The following GRM7 variants were observed in gnomAD, a reference collection of about 807,000 sequenced individuals.
GRM7 encodes the protein metabotropic glutamate receptor 7.
A neutral mutation model predicts 84.5 loss-of-function variants in GRM7; 35 were observed. That is an observed-to-expected ratio of 0.41 (90% confidence interval 0.32 to 0.55). The LOEUF (loss-of-function observed/expected upper bound fraction) is 0.55. GRM7 is among the 20% of genes least tolerant of loss of function. GRM7 has a pLI of 0.19. For synonymous variants in GRM7, 487 were observed against 455.1 expected, an observed-to-expected ratio of 1.07 and a Z score of -0.89; for missense variants, 1,003 against 1,194.6, an observed-to-expected ratio of 0.84 and a Z score of 2.36.
intron 7 of GRM7, among the ~76,000 whole-genome samples, chr3:7,505,401 A>T (rs572880193): frequency 1.1e-4 from 16 of 152,336 alleles, no homozygotes; most frequent in African/African-American, 3.6e-4. Flanking sequence ...ATTGCCCTAG[A>T]GGGAGCTCTT....
chr3:7,460,738 C>G (rs889466411), intron 6 of GRM7, among the ~76,000 whole-genome samples: 1 of 152,136 alleles, frequency 6.6e-6, no homozygotes, highest in Non-Finnish European at 1.5e-5. Flanking sequence ...AAACTCATGT[C>G]TTGCATTATT....
chr3:7,062,848 T>C (rs1697479535), intron 1 of GRM7, among the ~76,000 whole-genome samples: 1 of 151,810 alleles, frequency 6.6e-6, no homozygotes, highest in African/African-American at 2.4e-5. Flanking sequence ...TTATCTTAGC[T>C]GTGCCTGTTC....
chr3:6,863,068 C>G lies in GRM7; in HGVS notation c.519+1161C>G. The G allele has an allele frequency of 2.2e-6, 1 of 450,996 alleles. No individual in the cohort carries two copies. The highest frequency in any genetic ancestry group is 4.4e-6 in the Non-Finnish European group (1 of 224,922). The allele number at this position is 450,996 out of a possible 1,614,324, so 27.9% of individuals were successfully genotyped here. On this transcript the variant is annotated intron_variant, in intron 1 of 9. Transcript: ENST00000357716. The surrounding 1 kb of genome is among the most constrained non-coding windows in gnomAD (Gnocchi z 4.8). ...GGTCTCTGTGATTGTAGGTTCCCTC[C>G]TCTGTGTCTTTCCCTATATGTGCAT...
intron 1 of GRM7, among the ~76,000 whole-genome samples, chr3:7,121,197 C>T (rs191190999): frequency 9.9e-5 from 15 of 152,266 alleles, no homozygotes; most frequent in South Asian, 4.1e-4. Context: ...TATCCTCCTA[C>T]GGCAGATTCC....
intron 5 of GRM7, among the ~76,000 whole-genome samples, chr3:7,443,132 C>A (rs1158484400): frequency 6.6e-6 from 1 of 151,802 alleles, no homozygotes; most frequent in Non-Finnish European, 1.5e-5. Context: ...TCCTTCAGAC[C>A]AACACAAAAG....
intron 1 of GRM7, among the ~76,000 whole-genome samples, chr3:7,051,575 A>T (rs1202354976): frequency 6.6e-6 from 1 of 151,808 alleles, no homozygotes; most frequent in Non-Finnish European, 1.5e-5. Flanking sequence ...ATTACTGATG[A>T]AGGAATCCTT....
At chr3:7,547,209 T>G (rs1037207138) in intron 7 of GRM7, among the ~76,000 whole-genome samples, 2 of 138,246 alleles carry the variant, frequency 1.4e-5, no homozygotes, top group Admixed American at 7.2e-5. Context: ...TTTTTTTTTT[T>G]TTTTTTTTTT....
In GRM7 at chr3:7,645,420, G is replaced by A. The variant is rs376383293; in HGVS notation, c.2452-34629G>A. ...AAATTAGCTGGGTGTGGTGGTGCGC[G>A]CCTGTAATCCCAGCTACTCGGGAGG... is the stretch of plus-strand genomic sequence containing the variant. On this transcript the variant is annotated intron_variant, in intron 8 of 9. Coordinates refer to ENST00000357716, the MANE Select transcript of GRM7 (RefSeq NM_000844.4). Among the ~76,000 whole-genome samples, 310 of 151,568 alleles carry A rather than the reference G, an allele frequency of 2.0e-3. 1 individual carries two copies. In the Middle Eastern group the frequency reaches 0.021, roughly 10 times the overall value.
At chr3:7,516,064 T>G (rs1363664907) in intron 7 of GRM7, among the ~76,000 whole-genome samples, 2 of 148,922 alleles carry the variant, frequency 1.3e-5, no homozygotes, top group Non-Finnish European at 3.0e-5. Context: ...CTACTTGGGA[T>G]GCTGAGGTGG....
chr3:6,947,029 T>C (rs1698111265), intron 1 of GRM7, among the ~76,000 whole-genome samples: 1 of 152,214 alleles, frequency 6.6e-6, no homozygotes, highest in Non-Finnish European at 1.5e-5. Context: ...CTTTTCCTAA[T>C]TGAATGCCCT....
chr3:7,684,507 T>C (rs1168913642), intron 9 of GRM7, among the ~76,000 whole-genome samples: 3 of 152,164 alleles, frequency 2.0e-5, no homozygotes, highest in Non-Finnish European at 4.4e-5. Flanking sequence ...TCACTGCAGT[T>C]TGCCATCTGG....
intron 9 of GRM7, among the ~76,000 whole-genome samples, chr3:7,698,050 G>A (rs1023754753): frequency 1.1e-4 from 17 of 152,194 alleles, no homozygotes; most frequent in African/African-American, 3.4e-4. Context: ...TGCATGGAAG[G>A]CTGAGATAGA....
intron 8 of GRM7, among the ~76,000 whole-genome samples, chr3:7,665,168 C>CTTTTT (rs34966790): frequency 4.9e-5 from 5 of 102,522 alleles, no homozygotes; most frequent in Non-Finnish European, 9.6e-5. Flanking sequence ...GCCCATGATT[C>CTTTTT]TTTTTTTTTT....
At chr3:7,677,859 G>T (rs1406672487) in intron 8 of GRM7, among the ~76,000 whole-genome samples, 1 of 152,152 alleles carries the variant, frequency 6.6e-6, no homozygotes, top group Non-Finnish European at 1.5e-5. Context: ...CAACCTAGGT[G>T]CATCGACAGT....
At chr3:7,717,504 T>C (rs938073848) in intron 9 of GRM7, among the ~76,000 whole-genome samples, 4 of 152,274 alleles carry the variant, frequency 2.6e-5, no homozygotes, top group African/African-American at 9.6e-5. Context: ...AGCTGGTCCT[T>C]AGGGAGGCAA....
At chr3:7,220,211 T>C (rs1696754487) in intron 2 of GRM7, among the ~76,000 whole-genome samples, 1 of 152,192 alleles carries the variant, frequency 6.6e-6, no homozygotes, top group Non-Finnish European at 1.5e-5. Context: ...GTGACTTCTT[T>C]TCAAAGAAGA....
chr3:7,465,862 G>A (rs1698442125), intron 7 of GRM7, among the ~76,000 whole-genome samples: 1 of 152,022 alleles, frequency 6.6e-6, no homozygotes, highest in South Asian at 2.1e-4. Context: ...TGTTCCCTGT[G>A]CAATTTCTGG....
At chr3:7,383,131 G>A (rs575146302) in intron 4 of GRM7, among the ~76,000 whole-genome samples, 1 of 152,322 alleles carries the variant, frequency 6.6e-6, no homozygotes, top group South Asian at 2.1e-4. Context: ...TCAAGACATT[G>A]ATCCTGCAGG....
chr3:7,073,245 CAA>C (rs543473137), intron 1 of GRM7, among the ~76,000 whole-genome samples: 3 of 151,780 alleles, frequency 2.0e-5, no homozygotes, highest in Non-Finnish European at 2.9e-5. Context: ...ATCCAAGATA[CAA>C]AAAAAGCATA....
Sources: allele counts gnomAD v4.1 joint callset (sites outside exome capture counted in the v4.1 genomes callset), GRCh38; gene constraint gnomAD v4.1.1; non-coding constraint Gnocchi (gnomAD v3.1); transcripts MANE v1.5; gene names NCBI Gene and HGNC (gene_info 2026-07-23, HGNC 2026-07-21).